SERPINF1: variants seen among roughly 807,000 people sequenced by gnomAD.
SERPINF1 encodes the protein serpin family F member 1, also known as pigment epithelium-derived factor.
A neutral mutation model predicts 37.3 loss-of-function variants in SERPINF1; 29 were observed. The ratio of observed to expected loss-of-function variants is 0.78; its 90% CI spans 0.58 to 1.06. The LOEUF (loss-of-function observed/expected upper bound fraction) is 1.06. SERPINF1 is among the 50% of genes least tolerant of loss of function. The pLI is 0.00. For synonymous variants in SERPINF1, 281 were observed against 227.9 expected (o/e 1.23, Z -2.10); for missense variants, 553 against 532.2 (o/e 1.04, Z -0.38).
At chr17:1,771,388 G>A (rs1486217974) in intron 4 of SERPINF1, among the ~76,000 whole-genome samples, 3 of 151,658 alleles carry the variant, frequency 2.0e-5, no homozygotes, top group South Asian at 2.1e-4. Flanking sequence ...AGCTGGGACT[G>A]CAGGTGCCCA....
chr17:1,770,735 C>G (rs1413450903), intron 3 of SERPINF1: 1 of 381,604 alleles, frequency 2.6e-6, no homozygotes, highest in Non-Finnish European at 5.0e-6. Flanking sequence ...GCTGGGATTA[C>G]AGGCGTGAGC....
In SERPINF1 at chr17:1,776,568, A is replaced by T. The variant is rs1567758160; in HGVS notation, c.823A>T (p.Ile275Phe). 3.1e-6 allele frequency: 5 copies of T among 1,614,074 alleles called. No individual in the cohort carries two copies. Among genetic ancestry groups the T allele is most frequent in the South Asian group, 2.2e-5 (2 of 91,074 alleles). Residue 275 changes from isoleucine to phenylalanine, a missense_variant, in exon 7 of 8, where the codon ATC becomes TTC. Ile to Phe is a conservative substitution (Grantham distance 21, BLOSUM62 0). Transcript: ENST00000254722. ...QLPLTGSMSI[I>F]FFLPLKVTQN... ...GCCCTTGACCGGAAGCATGAGTATC[A>T]TCTTCTTCCTGCCCCTGAAAGTGAC...
rs11483374 is a variant in SERPINF1 at position 1,764,845 on chromosome 17, C to CTT, written c.-8-2043_-8-2042dup. Among the ~76,000 whole-genome samples, 247 of 132,120 alleles carry CTT rather than the reference C, an allele frequency of 1.9e-3. 1 individual carries two copies. Among genetic ancestry groups the CTT allele is most frequent in the Non-Finnish European group, 2.3e-3 (151 of 64,352 alleles). The allele number at this position is 132,120 out of a possible 152,430, so 86.7% of individuals were successfully genotyped here. A position where few individuals can be genotyped will look rare whatever the true frequency, so the allele number is the denominator to read the frequency against. ...TGTTCAGATTCTACATTTTTTTTTCCTTTTTTTTTTTTTTTTGAGATGGAG... is the reference window on the plus strand; with the variant it reads ...TGTTCAGATTCTACATTTTTTTTTCCTTTTTTTTTTTTTTTTTTGAGATGGAG... On this transcript the variant is annotated intron_variant, in intron 1 of 7. Transcript: ENST00000254722.
chr17:1,764,735 G>A (rs529827921), intron 1 of SERPINF1, among the ~76,000 whole-genome samples: 1 of 152,274 alleles, frequency 6.6e-6, no homozygotes, highest in South Asian at 2.1e-4. Context: ...GTCAAAAAGT[G>A]TGTGTGCTGT....
intron 4 of SERPINF1, chr17:1,771,660 G>C (rs1176753254): frequency 1.6e-6 from 1 of 614,966 alleles, no homozygotes; most frequent in Non-Finnish European, 2.9e-6. Context: ...GGGAGGGGCA[G>C]GGAGGGCAGT....
intron 7 of SERPINF1, 106 bp downstream of exon 7, chr17:1,776,848 G>C (rs962808576): frequency 1.8e-4 from 187 of 1,057,820 alleles, no homozygotes; most frequent in Non-Finnish European, 2.5e-4. Context: ...AGGCTTGTAG[G>C]GGGGCCGTGG....
Position 1,775,219 on chromosome 17 carries a change from A to C in SERPINF1, c.786+19A>C. On this transcript the variant is annotated intron_variant, in intron 6 of 7. Transcript: ENST00000254722. ...CTGCAAGGTCTGTAGGGATAGGGGC[A>C]GGGTGGGGGGTGGATGGAGGGAGAG... is the stretch of plus-strand genomic sequence containing the variant. 1.1e-6 allele frequency: 1 copy of C among 946,120 alleles called. No homozygotes were observed. The highest frequency in any genetic ancestry group is 1.6e-6 in the Non-Finnish European group (1 of 627,890). The allele number at this position is 946,120 out of a possible 1,614,324, so 58.6% of individuals were successfully genotyped here.
In SERPINF1 at chr17:1,776,616, G is replaced by A. The variant is rs1465650682; in HGVS notation, c.871G>A (p.Glu291Lys). The A allele has an allele frequency of 8.7e-6, 14 of 1,613,878 alleles. No homozygotes were observed. In the Admixed American group the frequency reaches 1.7e-4, roughly 19 times the overall value. ...KVTQNLTLIE[E>K]SLTSEFIHDI... Reference sequence around the variant, plus strand: ...GACCCAGAATTTGACCTTGATAGAGGAGAGCCTCACCTCCGAGTTCATTCA... The same window carrying A: ...GACCCAGAATTTGACCTTGATAGAGAAGAGCCTCACCTCCGAGTTCATTCA... The change falls in exon 7 of 8, where the codon GAG becomes AAG. Residue 291 changes from glutamate to lysine, a missense_variant. Transcript: ENST00000254722.
At position 1,777,143 on chromosome 17, in the gene SERPINF1, G is replaced by A. The variant is rs752951114; in HGVS notation, c.998-44G>A. On this transcript the variant is annotated intron_variant, in intron 7 of 7. Coordinates refer to ENST00000254722, the MANE Select transcript of SERPINF1 (RefSeq NM_002615.7). ...AAAGGGATCCCTTGGTTGGGGTGTT[G>A]GGGAAGGCAGGGTTTTAACGGAAAT... 6.2e-6 allele frequency: 10 copies of A among 1,613,608 alleles called. No individual in the cohort carries two copies. The Admixed American group carries it at 1.0e-4, about 16-fold the overall frequency.
intron 5 of SERPINF1, among the ~76,000 whole-genome samples, chr17:1,772,440 A>G (rs904043862): frequency 6.6e-6 from 1 of 151,604 alleles, no homozygotes; most frequent in Admixed American, 6.6e-5. Flanking sequence ...ATTAAGAGAC[A>G]AGGTGTTGCC....
chr17:1,772,734 A>G (rs1308678956), intron 5 of SERPINF1, among the ~76,000 whole-genome samples: 1 of 148,180 alleles, frequency 6.7e-6, no homozygotes, highest in African/African-American at 2.5e-5. Context: ...AATTTTTTGT[A>G]TTTTTAGTAG....
Position 1,772,033 on chromosome 17 carries a change from G to C in SERPINF1, c.601G>C (p.Asp201His), listed in dbSNP as rs137997656. The C allele has an allele frequency of 2.5e-6, 4 of 1,613,944 alleles. No individual in the cohort carries two copies. Among genetic ancestry groups the C allele is most frequent in the Non-Finnish European group, 3.4e-6 (4 of 1,180,014 alleles). ...KLARSTKEIP[D>H]EISILLLGVA... is the part of the protein sequence containing the mutation. ...CGCCAGGTCCACAAAGGAAATTCCC[G>C]ATGAGATCAGCATTCTCCTTCTCGG... Residue 201 changes from aspartate to histidine, a missense_variant, in exon 5 of 8, where the codon GAT (aspartate) becomes CAT (histidine). Coordinates refer to ENST00000254722, the MANE Select transcript of SERPINF1 (RefSeq NM_002615.7).
chr17:1,772,470 C>T (rs1397373265), intron 5 of SERPINF1, among the ~76,000 whole-genome samples: 1 of 152,116 alleles, frequency 6.6e-6, no homozygotes, highest in Admixed American at 6.6e-5. Context: ...AGGCTGGTCT[C>T]GAACTCCTGG....
At position 1,769,844 on chromosome 17, in the gene SERPINF1, C is replaced by T. The variant is rs1402539433; in HGVS notation, c.85-8C>T. The T allele has an allele frequency of 6.2e-7, 1 of 1,614,082 alleles. No homozygotes were observed. Among genetic ancestry groups the T allele is most frequent in the Non-Finnish European group, 8.5e-7 (1 of 1,180,032 alleles). ...AACTCAAACCCAAGACTTCCTGTCTCCTGCCAGGGCTCCCCAGACCCCGAC... is the reference window on the plus strand; with the variant it reads ...AACTCAAACCCAAGACTTCCTGTCTTCTGCCAGGGCTCCCCAGACCCCGAC... On this transcript the variant is annotated splice_region_variant and splice_polypyrimidine_tract_variant and intron_variant, in intron 2 of 7. Transcript: ENST00000254722.
intron 1 of SERPINF1, among the ~76,000 whole-genome samples, chr17:1,765,479 G>A (rs1237984911): frequency 2.6e-5 from 4 of 151,424 alleles, no homozygotes; most frequent in Non-Finnish European, 5.9e-5. Flanking sequence ...CTGCCACCAC[G>A]CCTGGCTACT....
chr17:1,773,745 A>T (rs1200695711), intron 5 of SERPINF1, among the ~76,000 whole-genome samples: 1 of 152,162 alleles, frequency 6.6e-6, no homozygotes, highest in African/African-American at 2.4e-5. Context: ...GGCCAACGAC[A>T]TCCTTCTAGG....
intron 2 of SERPINF1, 154 bp from the exon 3 acceptor site, chr17:1,769,698 A>C (rs1237525542): frequency 2.5e-6 from 2 of 790,472 alleles, no homozygotes; most frequent in East Asian, 5.0e-5. Context: ...CAGGGAGTAA[A>C]ACTCATTCCC....
At position 1,769,907 on chromosome 17, in the gene SERPINF1, T is replaced by TC; in HGVS notation, c.141dup (p.Lys48GlnfsTer17). The TC allele has an allele frequency of 1.2e-6, 2 of 1,614,108 alleles. No individual in the cohort carries two copies. The highest frequency in any genetic ancestry group is 1.7e-6 in the Non-Finnish European group (2 of 1,179,984). Reference sequence around the variant, plus strand: ...CTGGTGGAGGAGGAGGATCCTTTCTTCAAAGTCCCCGTGAACAAGCTGGCA... The same window carrying TC: ...CTGGTGGAGGAGGAGGATCCTTTCTTCCAAAGTCCCCGTGAACAAGCTGGCA... On this transcript the variant is annotated frameshift_variant, in exon 3 of 8. Transcript: ENST00000254722. LOFTEE classifies it high-confidence loss of function.
intron 1 of SERPINF1, among the ~76,000 whole-genome samples, chr17:1,764,342 A>G (rs1907244000): frequency 6.6e-6 from 1 of 152,184 alleles, no homozygotes; most frequent in Non-Finnish European, 1.5e-5. Context: ...GGCTCAGGGG[A>G]GGCAGGCTCC....
Sources: allele counts gnomAD v4.1 joint callset (sites outside exome capture counted in the v4.1 genomes callset), GRCh38; gene constraint gnomAD v4.1.1; transcripts MANE v1.5; gene names NCBI Gene and HGNC (gene_info 2026-07-23, HGNC 2026-07-21).